COP1: variants seen among roughly 807,000 people sequenced by gnomAD.
COP1 encodes the protein E3 ubiquitin-protein ligase COP1.
COP1 carries 24 observed loss-of-function variants against 101.3 expected under a neutral mutation model. The observed-to-expected ratio is 0.24, with a 90% CI of 0.17 to 0.33. COP1 has a LOEUF of 0.33. COP1 is among the 10% of genes least tolerant of loss of function. COP1 has a pLI of 1.00. For missense variants in COP1, 663 were observed against 906.2 expected, an observed-to-expected ratio of 0.73 and a Z score of 3.45; for synonymous variants, 347 against 341.9, an observed-to-expected ratio of 1.01 and a Z score of -0.17.
intron 1 of COP1, among the ~76,000 whole-genome samples, 179 bp from the exon 2 acceptor site, chr1:176,184,871 G>T (rs1698253615): frequency 6.6e-6 from 1 of 152,084 alleles, no homozygotes; most frequent in African/African-American, 2.4e-5. Flanking sequence ...GGGATTGTTG[G>T]TAAAATGATG....
At chr1:175,962,345 T>C (rs558963197) in intron 18 of COP1, among the ~76,000 whole-genome samples, 1 of 152,158 alleles carries the variant, frequency 6.6e-6, no homozygotes, top group South Asian at 2.1e-4. Flanking sequence ...AAAGATGAGA[T>C]GGTACTGAGA....
chr1:175,963,588 T>C (rs1218200426), intron 18 of COP1, among the ~76,000 whole-genome samples: 2 of 152,194 alleles, frequency 1.3e-5, no homozygotes, highest in Non-Finnish European at 2.9e-5. Flanking sequence ...ATGATGATTT[T>C]AAATTAAGAT....
At chr1:176,147,860 A>C (rs898022109) in intron 6 of COP1, among the ~76,000 whole-genome samples, 2 of 152,220 alleles carry the variant, frequency 1.3e-5, no homozygotes, top group African/African-American at 4.8e-5. Flanking sequence ...GCTCCAACAG[A>C]GCCTCCCTTA....
intron 14 of COP1, among the ~76,000 whole-genome samples, chr1:176,033,150 G>A (rs899115975): frequency 1.3e-5 from 2 of 152,148 alleles, no homozygotes; most frequent in Non-Finnish European, 2.9e-5. Flanking sequence ...GGTGGCTCAT[G>A]CCTGTAATCC....
chr1:176,080,170 A>T (rs1678849393), intron 11 of COP1, among the ~76,000 whole-genome samples: 1 of 152,330 alleles, frequency 6.6e-6, no homozygotes, highest in East Asian at 1.9e-4. Flanking sequence ...TGTCAATTTT[A>T]AAAAAACAAA....
intron 9 of COP1, among the ~76,000 whole-genome samples, chr1:176,103,164 A>G (rs567584770): frequency 3.3e-5 from 5 of 152,294 alleles, no homozygotes; most frequent in Admixed American, 6.5e-5. Context: ...CAGTTCCTAA[A>G]ATCCTTGGAG....
intron 9 of COP1, among the ~76,000 whole-genome samples, chr1:176,105,024 G>A (rs541384141): frequency 7.7e-4 from 117 of 152,066 alleles, no homozygotes; most frequent in South Asian, 2.1e-3. Flanking sequence ...GTTAAATAAA[G>A]TACAGAAAAA....
chr1:176,178,195 A>G (rs767249888), intron 2 of COP1, among the ~76,000 whole-genome samples: 2 of 152,196 alleles, frequency 1.3e-5, no homozygotes, highest in Non-Finnish European at 2.9e-5. Flanking sequence ...CAAATACAAT[A>G]GACTAAGAAT....
chr1:176,085,277 G>A (rs1679931821), intron 10 of COP1, among the ~76,000 whole-genome samples: 1 of 151,204 alleles, frequency 6.6e-6, no homozygotes, highest in Non-Finnish European at 1.5e-5. Context: ...TTTACTATCA[G>A]TTGTATTAGT....
intron 9 of COP1, 129 bp from the exon 10 acceptor site, chr1:176,086,019 T>C (rs943901250): frequency 4.1e-6 from 2 of 483,524 alleles, no homozygotes; most frequent in African/African-American, 3.8e-5. Flanking sequence ...AGTAAAAAAC[T>C]GTAATTCTGA....
chr1:176,157,444 C>T (rs890899111), intron 5 of COP1, among the ~76,000 whole-genome samples: 2 of 152,124 alleles, frequency 1.3e-5, no homozygotes, highest in African/African-American at 4.8e-5. Context: ...CAACAAAACA[C>T]CTGTCCAACT....
intron 11 of COP1, among the ~76,000 whole-genome samples, chr1:176,062,664 T>G (rs1444902653): frequency 2.0e-5 from 3 of 152,168 alleles, no homozygotes; most frequent in African/African-American, 7.2e-5. Context: ...ATATAAACAT[T>G]AATATCCAAA....
intron 18 of COP1, among the ~76,000 whole-genome samples, chr1:175,984,598 C>T (rs997049283): frequency 1.1e-4 from 16 of 152,120 alleles, no homozygotes; most frequent in African/African-American, 3.6e-4. Flanking sequence ...GGCCACCATC[C>T]GCCAGACCCC....
Position 176,176,023 on chromosome 1 carries a change from G to GAAAA in COP1, c.468-20_468-17dup. The GAAAA allele has an allele frequency of 8.5e-7, 1 of 1,179,684 alleles. No homozygotes were observed. Among genetic ancestry groups the GAAAA allele is most frequent in the African/African-American group, 1.6e-5 (1 of 64,414 alleles). The allele number at this position is 1,179,684 out of a possible 1,614,324, so 73.1% of individuals were successfully genotyped here. A position where few individuals can be genotyped will look rare whatever the true frequency, so the allele number is the denominator to read the frequency against. On this transcript the variant is annotated splice_polypyrimidine_tract_variant and intron_variant, in intron 2 of 19. Coordinates refer to ENST00000367669, the MANE Select transcript of COP1 (RefSeq NM_022457.7). Reference sequence around the variant, plus strand: ...ACACTTGTAGCTATTAGTAGGGGGGGAAAAAAAAGGCTTAATTAAATCAAT... The same window carrying GAAAA: ...ACACTTGTAGCTATTAGTAGGGGGGGAAAAAAAAAAAAGGCTTAATTAAATCAAT...
intron 15 of COP1, among the ~76,000 whole-genome samples, chr1:176,005,031 C>G (rs1204711542): frequency 6.6e-6 from 1 of 152,086 alleles, no homozygotes. Flanking sequence ...AATTTCAGAG[C>G]CTGTTATTGG....
chr1:175,960,085 C>T (rs1651151877), intron 18 of COP1, among the ~76,000 whole-genome samples: 1 of 152,138 alleles, frequency 6.6e-6, no homozygotes, highest in South Asian at 2.1e-4. Flanking sequence ...ATAGAAAAAA[C>T]AATTTTACAG....
rs181877866 is a variant in COP1 at position 176,194,893 on chromosome 1, T to C, written c.408-10201A>G. ...GAGTTTGAGATCAGCCTGAGCACCA[T>C]GGCGAGACCCTGTCTCTACAAAATA... is the stretch of plus-strand genomic sequence containing the variant. On this transcript the variant is annotated intron_variant, in intron 1 of 19. Transcript: ENST00000367669. Among the ~76,000 whole-genome samples the C allele has an allele frequency of 1.9e-3, 288 of 150,020 alleles. 3 individuals are homozygous for C. The highest frequency in any genetic ancestry group is 6.8e-3 in the African/African-American group (277 of 40,698).
intron 18 of COP1, among the ~76,000 whole-genome samples, chr1:175,963,076 GA>G (rs879746979): frequency 6.9e-5 from 10 of 145,822 alleles, no homozygotes; most frequent in Admixed American, 2.1e-4. Context: ...ACTGAACACA[GA>G]AAAAAAAAAC....
Position 176,207,209 on chromosome 1 carries a change from G to A in COP1, c.-231C>T, listed in dbSNP as rs1700954406. ...CGGAGTAGAAGGCACTACCGCTGTC[G>A]AGGCCGCCGCCGCCACCGCGGTCCC... On this transcript the variant is annotated 5_prime_UTR_variant, in exon 1 of 20. Transcript: ENST00000367669. 8 of 403,104 alleles carry A rather than the reference G, an allele frequency of 2.0e-5. No individual in the cohort carries two copies. The South Asian group carries it at 4.8e-4, about 24-fold the overall frequency. 25.0% of individuals were successfully genotyped at this position (403,104 alleles called of 1,614,324 possible).
Sources: gnomAD v4.1 joint callset for allele counts (sites outside exome capture counted in the v4.1 genomes callset) on GRCh38, gnomAD v4.1.1 for gene constraint, MANE v1.5 for transcripts, NCBI Gene and HGNC (gene_info 2026-07-23, HGNC 2026-07-21) for gene names.